The following CACNA2D3 variants were observed in gnomAD, a reference collection of about 807,000 sequenced individuals.
CACNA2D3 encodes the protein voltage-dependent calcium channel subunit alpha-2/delta-3.
In CACNA2D3, 60 loss-of-function variants were observed where a neutral mutation model predicts 160.6. That is an observed-to-expected ratio of 0.37 (90% CI 0.30 to 0.46). The LOEUF (loss-of-function observed/expected upper bound fraction) is 0.46, where lower values mean the gene tolerates loss of function less well. Ranked by LOEUF, CACNA2D3 falls within the 20% of genes least tolerant of loss-of-function variation. The pLI is 1.00. For missense variants in CACNA2D3, 1,205 were observed against 1,365.0 expected, an observed-to-expected ratio of 0.88 and a Z score of 1.85; for synonymous variants, 558 against 492.9, an observed-to-expected ratio of 1.13 and a Z score of -1.75.
intron 9 of CACNA2D3, among the ~76,000 whole-genome samples, chr3:54,589,326 A>C (rs1253477033): frequency 6.6e-6 from 1 of 152,126 alleles, no homozygotes; most frequent in Non-Finnish European, 1.5e-5. Flanking sequence ...CACAGACAAA[A>C]ACAAACAAAA....
intron 9 of CACNA2D3, among the ~76,000 whole-genome samples, chr3:54,607,056 G>C (rs935920887): frequency 3.9e-5 from 6 of 152,218 alleles, no homozygotes; most frequent in African/African-American, 1.4e-4. Context: ...AGTCCTTCGA[G>C]CCAGAGAAGC....
intron 4 of CACNA2D3, among the ~76,000 whole-genome samples, chr3:54,496,324 G>T (rs2106931352): frequency 6.6e-6 from 1 of 152,250 alleles, no homozygotes; most frequent in Middle Eastern, 3.4e-3. Flanking sequence ...AATATTACCG[G>T]AATTTTTAAT....
intron 9 of CACNA2D3, among the ~76,000 whole-genome samples, chr3:54,583,878 A>G (rs900359847): frequency 6.6e-6 from 1 of 151,952 alleles, no homozygotes; most frequent in African/African-American, 2.4e-5. Context: ...CCAGAATCTC[A>G]CCTGGACCAA....
chr3:54,736,024 C>CATATAT (rs201663679), intron 11 of CACNA2D3, among the ~76,000 whole-genome samples: 1 of 65,278 alleles, frequency 1.5e-5, no homozygotes, highest in Non-Finnish European at 3.0e-5. Context: ...TATACACATA[C>CATATAT]ATATATATAT....
At chr3:54,369,361 G>C (rs1412236189) in intron 3 of CACNA2D3, among the ~76,000 whole-genome samples, 1 of 152,290 alleles carries the variant, frequency 6.6e-6, no homozygotes, top group East Asian at 1.9e-4. Flanking sequence ...CCGTGGTCGT[G>C]CAGGCAAGTC....
chr3:54,679,947 A>C (rs1700310829), intron 11 of CACNA2D3, among the ~76,000 whole-genome samples: 1 of 152,274 alleles, frequency 6.6e-6, no homozygotes, highest in Non-Finnish European at 1.5e-5. Flanking sequence ...AGTGTGATAG[A>C]TCTGAGTGAA....
At chr3:54,773,579 T>C (rs942973696) in intron 13 of CACNA2D3, among the ~76,000 whole-genome samples, 4 of 152,200 alleles carry the variant, frequency 2.6e-5, no homozygotes, top group African/African-American at 9.6e-5. Flanking sequence ...ATGTGGAGCA[T>C]GCTGTGACAC....
intron 11 of CACNA2D3, among the ~76,000 whole-genome samples, chr3:54,700,015 G>T (rs899596826): frequency 1.3e-5 from 2 of 152,186 alleles, no homozygotes; most frequent in African/African-American, 4.8e-5. Flanking sequence ...TACACACAAG[G>T]TTGTCCCTCC....
intron 25 of CACNA2D3, among the ~76,000 whole-genome samples, chr3:54,892,817 A>G (rs537088656): frequency 1.3e-5 from 2 of 152,298 alleles, no homozygotes; most frequent in South Asian, 4.1e-4. Context: ...AAAACATGAC[A>G]CCTTGCTGGT....
chr3:54,439,139 T>C (rs1040343405), intron 4 of CACNA2D3, among the ~76,000 whole-genome samples: 21 of 152,208 alleles, frequency 1.4e-4, no homozygotes, highest in Admixed American at 1.4e-3. Context: ...CCATTGATCC[T>C]ATGGCAGTTG....
intron 11 of CACNA2D3, among the ~76,000 whole-genome samples, chr3:54,714,209 G>A (rs1701007918): frequency 6.6e-6 from 1 of 152,150 alleles, no homozygotes; most frequent in Non-Finnish European, 1.5e-5. Context: ...ACTGGGCCTG[G>A]AAACAAGGGC....
intron 30 of CACNA2D3, among the ~76,000 whole-genome samples, 196 bp from the exon 31 acceptor site, chr3:54,987,487 A>G (rs1189284808): frequency 6.6e-6 from 1 of 152,198 alleles, no homozygotes; most frequent in African/African-American, 2.4e-5. Context: ...GTACTGTGGA[A>G]GCATTCACAT....
chr3:54,570,078 G>A lies in CACNA2D3; in HGVS notation c.862G>A (p.Asp288Asn). ...CTCATCCATTTTGGATACACTTGGG[G>A]ATGATGACTTCTTCAACATAATTGC... ...TVSSILDTLG[D>N]DDFFNIIAYN... Residue 288 changes from aspartate to asparagine, a missense_variant, in exon 8 of 38, where the codon GAT (aspartate) becomes AAT (asparagine). This residue lies in a region of CACNA2D3 where 911 missense variants were observed against 1,002.2 expected (regional missense o/e 0.91). Transcript: ENST00000474759. 2 of 1,613,812 alleles carry A rather than the reference G, an allele frequency of 1.2e-6. No individual in the cohort carries two copies. The highest frequency in any genetic ancestry group is 2.2e-5 in the South Asian group (2 of 91,084).
At position 55,067,098 on chromosome 3, in the gene CACNA2D3, T is replaced by TGGG. The variant is rs560175834; in HGVS notation, c.2988-6347_2988-6346insGGG. 6.6e-3 allele frequency among the ~76,000 whole-genome samples: 968 copies of TGGG among 147,772 alleles called. 12 individuals carry two copies. The highest frequency in any genetic ancestry group is 0.016 in the African/African-American group (628 of 38,680). ...TAATCTTTCCGCTGGCAATCTTTTG[T>TGGG]AGCGGGGGGGGCTTTTCTCCTCTCA... On this transcript the variant is annotated intron_variant, in intron 35 of 37. Transcript: ENST00000474759.
chr3:54,974,391 A>G (rs1223548309), intron 29 of CACNA2D3, among the ~76,000 whole-genome samples: 1 of 152,178 alleles, frequency 6.6e-6, no homozygotes, highest in South Asian at 2.1e-4. Flanking sequence ...TGTTAGAAAG[A>G]CTTTGTTTGA....
chr3:54,631,432 T>C (rs1699235968), intron 10 of CACNA2D3, among the ~76,000 whole-genome samples: 1 of 152,196 alleles, frequency 6.6e-6, no homozygotes, highest in East Asian at 1.9e-4. Context: ...TATTAATATT[T>C]TCTACTTCAT....
At chr3:54,894,866 C>T (rs1379373343) in intron 25 of CACNA2D3, 4 of 334,890 alleles carry the variant, frequency 1.2e-5, no homozygotes, top group Non-Finnish European at 2.4e-5. Flanking sequence ...AGCTTGTCTA[C>T]CAAGATGAGC....
Position 54,478,660 on chromosome 3 carries a change from G to GTGTATATATATATATATTGCTATATA in CACNA2D3, c.382-24831_382-24830insGTATATATATATATATTGCTATATAT. 1.9e-3 allele frequency among the ~76,000 whole-genome samples: 69 copies of GTGTATATATATATATATTGCTATATA among 36,380 alleles called. 18 individuals are homozygous for GTGTATATATATATATATTGCTATATA. The highest frequency in any genetic ancestry group is 7.0e-3 in the East Asian group (6 of 856). 23.9% of individuals were successfully genotyped at this position (36,380 alleles called of 152,430 possible). On this transcript the variant is annotated intron_variant, in intron 4 of 37. Coordinates refer to ENST00000474759, the MANE Select transcript of CACNA2D3 (RefSeq NM_018398.3). The stretch of plus-strand genomic sequence containing the variant: ...AAAATATATATATAAATATGTGTGT[G>GTGTATATATATATATATTGCTATATA]TATATATATATATATATATTGCTTG...
intron 11 of CACNA2D3, among the ~76,000 whole-genome samples, chr3:54,642,949 A>G: frequency 6.6e-6 from 1 of 152,258 alleles, no homozygotes; most frequent in African/African-American, 2.4e-5. Flanking sequence ...GATGTGGTTC[A>G]GTAATCCATG....
Sources: allele counts gnomAD v4.1 joint callset (sites outside exome capture counted in the v4.1 genomes callset), GRCh38; gene constraint gnomAD v4.1.1; regional missense constraint gnomAD v4.1.1; transcripts MANE v1.5; gene names NCBI Gene and HGNC (gene_info 2026-07-23, HGNC 2026-07-21).